MICU3: variants seen among roughly 807,000 people sequenced by gnomAD.
MICU3 encodes the protein calcium uptake protein 3, mitochondrial.
A neutral mutation model predicts 66.5 loss-of-function variants in MICU3; 62 were observed. The observed-to-expected ratio is 0.93, with a 90% CI of 0.76 to 1.15. The LOEUF (loss-of-function observed/expected upper bound fraction) is 1.15, where lower values mean the gene tolerates loss of function less well. Ranked by LOEUF, MICU3 falls within the 50% of genes most tolerant of loss-of-function variation. The pLI, the probability that MICU3 is intolerant of heterozygous loss-of-function variation, is 0.00. For missense variants in MICU3, 779 were observed against 664.4 expected (o/e 1.17, Z -1.90); for synonymous variants, 308 against 240.7 (o/e 1.28, Z -2.59).
At chr8:17,136,054 A>G in the MICU3 span, among the ~76,000 whole-genome samples, 1 of 152,106 alleles carries the variant, frequency 6.6e-6, no homozygotes, top group African/African-American at 2.4e-5. Flanking sequence ...CATAGTTGAG[A>G]TAATTCACAT....
At chr8:17,083,429 C>T (rs187308171) in intron 5 of MICU3, among the ~76,000 whole-genome samples, 1 of 152,168 alleles carries the variant, frequency 6.6e-6, no homozygotes, top group East Asian at 1.9e-4. Flanking sequence ...ATCTAGTCCC[C>T]AGGCAAGAAG....
chr8:17,090,715 A>G, intron 8 of MICU3, 131 bp downstream of exon 8: 1 of 605,402 alleles, frequency 1.7e-6, no homozygotes, highest in Non-Finnish European at 2.7e-6. Context: ...TGAACACAAT[A>G]GGTGCAATGA....
At chr8:17,114,946 C>T (rs538286673) in intron 12 of MICU3, among the ~76,000 whole-genome samples, 7 of 151,908 alleles carry the variant, frequency 4.6e-5, no homozygotes, top group Non-Finnish European at 2.9e-5. Flanking sequence ...GGTGAAACCC[C>T]GTCTCTACTA....
chr8:17,058,831 A>G (rs984895921), intron 1 of MICU3, among the ~76,000 whole-genome samples: 2 of 152,216 alleles, frequency 1.3e-5, no homozygotes, highest in Non-Finnish European at 2.9e-5. Flanking sequence ...ATGCCATTAG[A>G]TCATTCTCTA....
At chr8:17,092,155 C>T (rs76211945) in intron 8 of MICU3, among the ~76,000 whole-genome samples, 48 of 152,150 alleles carry the variant, frequency 3.2e-4, no homozygotes, top group East Asian at 1.9e-3. Flanking sequence ...GGATTACACG[C>T]GTGAGCTACT....
chr8:17,073,574 G>A (rs1192649297), intron 3 of MICU3, among the ~76,000 whole-genome samples: 1 of 152,096 alleles, frequency 6.6e-6, no homozygotes, highest in African/African-American at 2.4e-5. Context: ...GAAATAGAGT[G>A]CACAATAAAT....
At chr8:17,101,695 C>A (rs1018688622) in intron 9 of MICU3, among the ~76,000 whole-genome samples, 9 of 151,846 alleles carry the variant, frequency 5.9e-5, no homozygotes, top group Non-Finnish European at 1.0e-4. Flanking sequence ...ATTATGTTAT[C>A]TGAATTCACT....
At chr8:17,102,803 A>G (rs892362057) in intron 9 of MICU3, 1 of 151,940 alleles carries the variant, frequency 6.6e-6, no homozygotes, top group African/African-American at 2.4e-5. Context: ...TCAAATCCTC[A>G]AAGAAGTTGG....
chr8:17,133,597 T>G, the MICU3 span, among the ~76,000 whole-genome samples: 1 of 152,142 alleles, frequency 6.6e-6, no homozygotes, highest in Non-Finnish European at 1.5e-5. Flanking sequence ...CTCTTCCAAT[T>G]TAATAAACTG....
intron 1 of MICU3, among the ~76,000 whole-genome samples, chr8:17,033,782 G>T (rs559732232): frequency 1.7e-4 from 26 of 152,268 alleles, no homozygotes; most frequent in Admixed American, 9.8e-4. Context: ...GGAAGCTGCA[G>T]AAGAAAAGTT....
chr8:17,042,604 A>G (rs1429665488), intron 1 of MICU3, among the ~76,000 whole-genome samples: 1 of 152,206 alleles, frequency 6.6e-6, no homozygotes, highest in Non-Finnish European at 1.5e-5. Context: ...TTTATTGGTT[A>G]CCATAGTAGT....
At chr8:17,058,658 T>G (rs941127799) in intron 1 of MICU3, among the ~76,000 whole-genome samples, 1 of 152,230 alleles carries the variant, frequency 6.6e-6, no homozygotes. Context: ...TTTTGACACT[T>G]TGATGGTCTG....
chr8:17,128,883 T>A, the MICU3 span, among the ~76,000 whole-genome samples: 1 of 152,032 alleles, frequency 6.6e-6, no homozygotes, highest in Non-Finnish European at 1.5e-5. Flanking sequence ...GCACCAAAAA[T>A]CTGCATAGGG....
intron 1 of MICU3, among the ~76,000 whole-genome samples, chr8:17,063,516 A>T (rs1818194375): frequency 6.6e-6 from 1 of 152,186 alleles, no homozygotes; most frequent in Non-Finnish European, 1.5e-5. Context: ...TCTTGAAGGA[A>T]AAGAGACCCC....
At chr8:17,109,198 A>G (rs1233416700) in intron 11 of MICU3, among the ~76,000 whole-genome samples, 3 of 152,100 alleles carry the variant, frequency 2.0e-5, no homozygotes, top group Non-Finnish European at 4.4e-5. Flanking sequence ...ATACTGTATA[A>G]TTTGCTTATT....
At chr8:17,028,990 G>A (rs1348423005) in intron 1 of MICU3, among the ~76,000 whole-genome samples, 1 of 152,066 alleles carries the variant, frequency 6.6e-6, no homozygotes, top group Non-Finnish European at 1.5e-5. Flanking sequence ...TTTTTAAAAA[G>A]ACCACGTTCA....
chr8:17,108,969 TG>T (rs1419922117), intron 11 of MICU3, among the ~76,000 whole-genome samples: 3 of 152,166 alleles, frequency 2.0e-5, no homozygotes, highest in African/African-American at 7.2e-5. Flanking sequence ...GCTTTGTATA[TG>T]TTGTCCCCTC....
In MICU3 at chr8:17,056,426, G is replaced by T. The variant is rs1184027357; in HGVS notation, c.382-7658G>T. Among the ~76,000 whole-genome samples, 4 of 152,144 alleles carry T rather than the reference G, an allele frequency of 2.6e-5. No individual in the cohort carries two copies. In the South Asian group the frequency reaches 8.3e-4, roughly 32 times the overall value. ...TTCTTGTTCCCTCCATTTGCTGCCT[G>T]CTCCTGCAGTCCTCCGTGTAGTGCT... On this transcript the variant is annotated intron_variant, in intron 1 of 14. Transcript: ENST00000318063.
At chr8:17,094,275 T>C (rs1371287760) in intron 8 of MICU3, among the ~76,000 whole-genome samples, 1 of 152,034 alleles carries the variant, frequency 6.6e-6, no homozygotes, top group East Asian at 1.9e-4. Context: ...TCAAGCATTG[T>C]GGTCTGTGAT....
Sources: allele counts gnomAD v4.1 joint callset (sites outside exome capture counted in the v4.1 genomes callset), GRCh38; gene constraint gnomAD v4.1.1; transcripts MANE v1.5; gene names NCBI Gene and HGNC (gene_info 2026-07-23, HGNC 2026-07-21).